Variants in PPAN observed in about 807,000 individuals in gnomAD.
The protein encoded by PPAN is suppressor of SWI4 1 homolog.
PPAN carries 39 observed loss-of-function variants against 48.5 expected under a neutral mutation model. That is an observed-to-expected ratio of 0.80 (90% CI 0.62 to 1.05). PPAN has a LOEUF of 1.05. Ranked by LOEUF, PPAN falls within the 50% of genes least tolerant of loss-of-function variation. The pLI, the probability that PPAN is intolerant of heterozygous loss-of-function variation, is 0.00. For missense variants in PPAN, 736 were observed against 661.7 expected (o/e 1.11, Z -1.23); for synonymous variants, 315 against 268.6 (o/e 1.17, Z -1.69).
intron 4 of PPAN, 44 bp from the exon 5 acceptor site, chr19:10,107,920 C>T (rs1485750965): frequency 6.2e-7 from 1 of 1,600,734 alleles, no homozygotes; most frequent in Non-Finnish European, 8.5e-7. Flanking sequence ...TGTCCGCAGC[C>T]ATGTGTGGTT....
Position 10,111,120 on chromosome 19 carries a change from T to C in PPAN, c.1377T>C (p.Gly459=), listed in dbSNP as rs1207430531. ...GGCCCAGAGGGGCTTCCCGGGATGGTGGGCGAGGCCGGGGCCGGGGCCGCC... is the reference window on the plus strand; with the variant it reads ...GGCCCAGAGGGGCTTCCCGGGATGGCGGGCGAGGCCGGGGCCGGGGCCGCC... ...RRGPRGASRD[G]GRGRGRGRPG... is the part of the protein sequence containing the mutation. The change falls in exon 12 of 12, where the codon GGT becomes GGC. Residue 459 remains glycine (G), a synonymous_variant. Transcript: ENST00000253107. 1.2e-6 allele frequency: 2 copies of C among 1,610,762 alleles called. No individual in the cohort carries two copies. The highest frequency in any genetic ancestry group is 4.5e-5 in the East Asian group (2 of 44,792).
intron 5 of PPAN, among the ~76,000 whole-genome samples, chr19:10,109,164 G>T (rs1440693047): frequency 6.6e-6 from 1 of 151,936 alleles, no homozygotes; most frequent in Non-Finnish European, 1.5e-5. Flanking sequence ...GGATTTCACC[G>T]TGTTAGCCAG....
intron 2 of PPAN, 54 bp from the exon 3 acceptor site, chr19:10,107,451 T>G: frequency 6.3e-7 from 1 of 1,584,014 alleles, no homozygotes. Flanking sequence ...CAGCTTATAG[T>G]TGTCACAACA....
rs1215097537 is a variant in PPAN, at chr19:10,106,365, C to T, written c.-30C>T. 3.2e-6 allele frequency: 5 copies of T among 1,548,778 alleles called. No individual in the cohort carries two copies. The highest frequency in any genetic ancestry group is 2.0e-5 in the Admixed American group (1 of 50,828). On this transcript the variant is annotated 5_prime_UTR_variant, in exon 1 of 12. In the 5' UTR this introduces an upstream ATG that the reference lacks. Transcript: ENST00000253107. Reference sequence around the variant, plus strand: ...GCTGCGCAGCGCCGGAAGCGGCGGACGCAGGAGGCCTCGTGGAGGACACAG... The same window carrying T: ...GCTGCGCAGCGCCGGAAGCGGCGGATGCAGGAGGCCTCGTGGAGGACACAG...
chr19:10,106,381 G>GAGGACACAGCAGCATGGGACAGTC lies in PPAN; in HGVS notation c.-10_14dup. On this transcript the variant is annotated 5_prime_UTR_variant, in exon 1 of 12. It adds an upstream start codon to the 5' untranslated region. Transcript: ENST00000253107. ...AGCGGCGGACGCAGGAGGCCTCGTG[G>GAGGACACAGCAGCATGGGACAGTC]AGGACACAGCAGCATGGGACAGTCA... 6.5e-7 allele frequency: 1 copy of GAGGACACAGCAGCATGGGACAGTC among 1,549,626 alleles called. No individual in the cohort carries two copies. The highest frequency in any genetic ancestry group is 8.7e-7 in the Non-Finnish European group (1 of 1,146,018).
rs2089064946 is a variant in PPAN, at chr19:10,111,323, G to C, written c.*158G>C. 1 of 955,380 alleles carries C rather than the reference G, an allele frequency of 1.0e-6. No individual in the cohort carries two copies. The highest frequency in any genetic ancestry group is 2.9e-5 in the Admixed American group (1 of 34,312). The allele number at this position is 955,380 out of a possible 1,614,324, so 59.2% of individuals were successfully genotyped here. Reference sequence around the variant, plus strand: ...GGGTCCACGTCAGCGTTTGGGATGGGGGATTCTGGAGCCATACAAAGCAAC... The same window carrying C: ...GGGTCCACGTCAGCGTTTGGGATGGCGGATTCTGGAGCCATACAAAGCAAC... On this transcript the variant is annotated 3_prime_UTR_variant, in exon 12 of 12. Coordinates refer to ENST00000253107, the MANE Select transcript of PPAN (RefSeq NM_020230.7).
chr19:10,108,540 A>G (rs907098186), intron 5 of PPAN, among the ~76,000 whole-genome samples: 1 of 151,972 alleles, frequency 6.6e-6, no homozygotes, highest in African/African-American at 2.4e-5. Context: ...CTTGAAGCCA[A>G]GACTTTGAGA....
At chr19:10,106,757 G>T in intron 2 of PPAN, 86 bp downstream of exon 2, 1 of 1,455,884 alleles carries the variant, frequency 6.9e-7, no homozygotes. Context: ...TAAAACTGTG[G>T]GAGGACTTAA....
At chr19:10,108,299 A>G (rs1377703729) in intron 5 of PPAN, among the ~76,000 whole-genome samples, 165 bp downstream of exon 5, 1 of 152,176 alleles carries the variant, frequency 6.6e-6, no homozygotes, top group East Asian at 1.9e-4. Flanking sequence ...GATGCTGGGC[A>G]AAAGTGTCCA....
chr19:10,107,047 T>G, intron 2 of PPAN: 1 of 515,850 alleles, frequency 1.9e-6, no homozygotes, highest in Non-Finnish European at 3.7e-6. Flanking sequence ...ATTAGTCGGA[T>G]ATGGTGTTGC....
chr19:10,110,035 G>A lies in PPAN; in HGVS notation c.698+15G>A, dbSNP rs756216721. The A allele has an allele frequency of 2.5e-6, 4 of 1,613,124 alleles. No individual in the cohort carries two copies. The highest frequency in any genetic ancestry group is 3.4e-6 in the Non-Finnish European group (4 of 1,179,428). The stretch of plus-strand genomic sequence containing the variant: ...CTGCTGGCCACGTGAGGAGGGCATA[G>A]GGCGGGAGGCCACTGCGGCCCGGGG... On this transcript the variant is annotated intron_variant, in intron 7 of 11. Coordinates refer to ENST00000253107, the MANE Select transcript of PPAN (RefSeq NM_020230.7). The surrounding 1 kb of genome is among the most constrained non-coding windows in gnomAD (Gnocchi z 5.9).
intron 5 of PPAN, 69 bp downstream of exon 5, chr19:10,108,203 A>G: frequency 1.3e-6 from 2 of 1,542,186 alleles, no homozygotes; most frequent in East Asian, 2.3e-5. Flanking sequence ...AGGCCCTCAG[A>G]TGGATTGCTC....
Position 10,106,668 on chromosome 19 carries a change from G to T in PPAN, c.186G>T (p.Leu62=). 2 of 1,535,144 alleles carry T rather than the reference G, an allele frequency of 1.3e-6. No homozygotes were observed. Among genetic ancestry groups the T allele is most frequent in the Non-Finnish European group, 1.8e-6 (2 of 1,138,754 alleles). ...RVMEPLTASR[L]QVRKKNSLKD... ...TGGAGCCGCTCACTGCCAGCCGTCT[G>T]CAGGTTTGTACCCCACCCCCAGCCC... Residue 62 remains leucine (L), a synonymous_variant, in exon 2 of 12, where the codon CTG becomes CTT. Coordinates refer to ENST00000253107, the MANE Select transcript of PPAN (RefSeq NM_020230.7).
At position 10,111,586 on chromosome 19, in the gene PPAN, A is replaced by G. The variant is rs1489005003; in HGVS notation, c.*421A>G. 9.3e-7 allele frequency: 1 copy of G among 1,076,284 alleles called. No individual in the cohort carries two copies. The highest frequency in any genetic ancestry group is 1.4e-6 in the Non-Finnish European group (1 of 714,856). The allele number at this position is 1,076,284 out of a possible 1,614,324, so 66.7% of individuals were successfully genotyped here. A position where few individuals can be genotyped will look rare whatever the true frequency, so the allele number is the denominator to read the frequency against. ...AATGAGGAAGGAAACGTGGGTGGAA[A>G]GGCACGCTGGCCTGCTCTGCTGGCT... On this transcript the variant is annotated 3_prime_UTR_variant, in exon 12 of 12. Transcript: ENST00000253107.
intron 5 of PPAN, among the ~76,000 whole-genome samples, chr19:10,109,093 C>G (rs1793234593): frequency 6.6e-6 from 1 of 151,826 alleles, no homozygotes; most frequent in Non-Finnish European, 1.5e-5. Context: ...TCCCGAGTAG[C>G]TGGGACTACA....
At chr19:10,109,879 A>AC (rs1382684721) in intron 6 of PPAN, 34 bp from the exon 7 acceptor site, 2 of 1,611,030 alleles carry the variant, frequency 1.2e-6, no homozygotes, top group Non-Finnish European at 1.7e-6. Flanking sequence ...GTGCCCCCTG[A>AC]CCACCCCCTT....
In PPAN at chr19:10,111,147, A is replaced by G. The variant is rs2145211462; in HGVS notation, c.1404A>G (p.Pro468=). The G allele has an allele frequency of 5.6e-6, 9 of 1,596,430 alleles. No homozygotes were observed. The highest frequency in any genetic ancestry group is 1.1e-5 in the South Asian group (1 of 90,138). ...GGCGAGGCCGGGGCCGGGGCCGCCC[A>G]GGGAAGAGAGTGGCCTGAGCCCAAG... is the stretch of plus-strand genomic sequence containing the variant. ...DGGRGRGRGR[P]GKRVA is the part of the protein sequence containing the mutation. The change falls in exon 12 of 12, where the codon CCA becomes CCG. Residue 468 remains proline (P), a synonymous_variant. Coordinates refer to ENST00000253107, the MANE Select transcript of PPAN (RefSeq NM_020230.7).
At position 10,111,764 on chromosome 19, in the gene PPAN, T is replaced by C. The variant is rs1254221038; in HGVS notation, c.*599T>C. The C allele has an allele frequency of 6.2e-7, 1 of 1,612,956 alleles. No individual in the cohort carries two copies. The highest frequency in any genetic ancestry group is 1.7e-5 in the Admixed American group (1 of 59,930). ...GGGTAAGGAGAAGGCATGTTGGCTG[T>C]CTCTGGGGGTCTGCAGATTGTCAGG... is the stretch of plus-strand genomic sequence containing the variant. On this transcript the variant is annotated 3_prime_UTR_variant, in exon 12 of 12. Transcript: ENST00000253107.
In PPAN at chr19:10,106,562, C is replaced by T; in HGVS notation, c.80C>T (p.Ala27Val). Residue 27 changes from alanine to valine, a missense_variant, in exon 2 of 12, where the codon GCG becomes GTG. Physicochemically the swap from Ala to Val is moderately conservative, Grantham distance 64 (BLOSUM62 0). Coordinates refer to ENST00000253107, the MANE Select transcript of PPAN (RefSeq NM_020230.7). ...AQLRNLEAYAANPHSFVFTRG... is the reference protein window; with the variant it reads ...AQLRNLEAYAVNPHSFVFTRG... The stretch of plus-strand genomic sequence containing the variant: ...CTCCGCAACCTCGAGGCCTATGCCG[C>T]GAACCCGCACTCGTTCGTGTTCACG... 1 of 1,553,412 alleles carries T rather than the reference C, an allele frequency of 6.4e-7. No homozygotes were observed.
Sources: allele counts gnomAD v4.1 joint callset (sites outside exome capture counted in the v4.1 genomes callset), GRCh38; gene constraint gnomAD v4.1.1; non-coding constraint Gnocchi (gnomAD v3.1); transcripts MANE v1.5; gene names NCBI Gene and HGNC (gene_info 2026-07-23, HGNC 2026-07-21).